Variants in ZMYM4 observed in about 807,000 individuals in gnomAD.
The protein encoded by ZMYM4 is zinc finger MYM-type containing 4, also known as zinc finger MYM-type protein 4.
ZMYM4 carries 31 observed loss-of-function variants against 183.2 expected under a neutral mutation model. The observed-to-expected ratio is 0.17, with a 90% CI of 0.13 to 0.23. ZMYM4 has a LOEUF of 0.23. Among genes scored for constraint, ZMYM4 ranks in the 10% least tolerant of loss-of-function variants. The pLI is 1.00. For missense variants in ZMYM4, 1,273 were observed against 1,840.3 expected (o/e 0.69, Z 5.64); for synonymous variants, 592 against 631.2 (o/e 0.94, Z 0.93).
intron 1 of ZMYM4, among the ~76,000 whole-genome samples, chr1:35,298,440 G>C (rs1641122544): frequency 6.6e-6 from 1 of 152,146 alleles, no homozygotes; most frequent in South Asian, 2.1e-4. Flanking sequence ...GCCCCTTGCT[G>C]AATCTGGCTA....
At chr1:35,299,465 C>G (rs1193179833) in intron 1 of ZMYM4, among the ~76,000 whole-genome samples, 10 of 152,176 alleles carry the variant, frequency 6.6e-5, no homozygotes, top group African/African-American at 7.2e-5. Context: ...GGGTTTAAAT[C>G]CTCTTTAGAG....
chr1:35,402,618 CA>C (rs1052994016), intron 23 of ZMYM4, among the ~76,000 whole-genome samples: 5 of 147,064 alleles, frequency 3.4e-5, no homozygotes, highest in Non-Finnish European at 7.5e-5. Flanking sequence ...GACCCTGTCT[CA>C]AAAAAAAAGA....
intron 7 of ZMYM4, among the ~76,000 whole-genome samples, chr1:35,378,795 G>A (rs371061065): frequency 6.6e-6 from 1 of 152,142 alleles, no homozygotes; most frequent in South Asian, 2.1e-4. Flanking sequence ...ATTTAGTGTA[G>A]CCGCCATCAT....
intron 15 of ZMYM4, 30 bp from the exon 16 acceptor site, chr1:35,392,182 G>A (rs1003352661): frequency 6.2e-7 from 1 of 1,613,706 alleles, no homozygotes; most frequent in African/African-American, 1.3e-5. Flanking sequence ...AATCACGTGA[G>A]GTTTCCTTAT....
intron 1 of ZMYM4, among the ~76,000 whole-genome samples, chr1:35,281,820 C>G (rs1640181804): frequency 6.6e-6 from 1 of 152,134 alleles, no homozygotes; most frequent in Non-Finnish European, 1.5e-5. Flanking sequence ...CCTGCATGGT[C>G]CCTTGCGCCA....
chr1:35,272,177 C>T (rs1002505445), intron 1 of ZMYM4, among the ~76,000 whole-genome samples: 3 of 152,156 alleles, frequency 2.0e-5, no homozygotes, highest in African/African-American at 4.8e-5. Context: ...TGGAAATTGA[C>T]TGCCTTGAGG....
At chr1:35,344,861 C>T (rs1228565078) in intron 2 of ZMYM4, among the ~76,000 whole-genome samples, 2 of 152,100 alleles carry the variant, frequency 1.3e-5, no homozygotes, top group African/African-American at 4.8e-5. Flanking sequence ...AGGAAATATT[C>T]CTTTCTCATA....
intron 9 of ZMYM4, among the ~76,000 whole-genome samples, chr1:35,382,246 A>G (rs1644478922): frequency 6.6e-6 from 1 of 150,730 alleles, no homozygotes; most frequent in Non-Finnish European, 1.5e-5. Context: ...GTATATGTAT[A>G]TATATGTAAA....
Position 35,370,354 on chromosome 1 carries a change from T to C in ZMYM4, c.926-18T>C. 1 of 1,334,890 alleles carries C rather than the reference T, an allele frequency of 7.5e-7. No homozygotes were observed. Among genetic ancestry groups the C allele is most frequent in the East Asian group, 2.9e-5 (1 of 33,976 alleles). The allele number at this position is 1,334,890 out of a possible 1,614,324, so 82.7% of individuals were successfully genotyped here. A position where few individuals can be genotyped will look rare whatever the true frequency, so the allele number is the denominator to read the frequency against. ...TTTCTTTCAATTTTTTTTTTTTTTT[T>C]TTTTTTTTTTTTTAAAGCTCCACAG... On this transcript the variant is annotated intron_variant, in intron 6 of 29. Coordinates refer to ENST00000314607, the MANE Select transcript of ZMYM4 (RefSeq NM_005095.3).
intron 1 of ZMYM4, among the ~76,000 whole-genome samples, chr1:35,271,613 G>A (rs1022519981): frequency 6.6e-6 from 1 of 152,134 alleles, no homozygotes; most frequent in African/African-American, 2.4e-5. Flanking sequence ...ATGTTGGCCA[G>A]GCTGATCTCG....
chr1:35,381,485 A>G (rs1644457320), intron 8 of ZMYM4, 52 bp downstream of exon 8: 1 of 1,609,278 alleles, frequency 6.2e-7, no homozygotes, highest in South Asian at 1.1e-5. Context: ...GTTTGTGCTT[A>G]AAGAACAGCT....
In ZMYM4 at chr1:35,387,062, A is replaced by G. The variant is rs2148980289; in HGVS notation, c.1896A>G (p.Gln632=). 1.2e-6 allele frequency: 2 copies of G among 1,614,242 alleles called. No individual in the cohort carries two copies. The highest frequency in any genetic ancestry group is 4.5e-5 in the East Asian group (2 of 44,892). The change falls in exon 12 of 30, where the codon CAA becomes CAG. Residue 632 remains glutamine, a synonymous_variant. Coordinates refer to ENST00000314607, the MANE Select transcript of ZMYM4 (RefSeq NM_005095.3). ...CAGTAGTGCCCTTGTCTCAGGGCCA[A>G]GTAATTGTAAGCATCCCCACAGGTT... ...NSSVVPLSQG[Q]VIVSIPTGST... is the part of the protein sequence containing the mutation.
chr1:35,397,300 A>G, intron 19 of ZMYM4, 77 bp from the exon 20 acceptor site: 1 of 1,385,860 alleles, frequency 7.2e-7, no homozygotes, highest in South Asian at 1.9e-5. Context: ...TTTAATACCT[A>G]AATCATCTCA....
chr1:35,277,357 C>T (rs2148675081), intron 1 of ZMYM4, among the ~76,000 whole-genome samples: 1 of 152,158 alleles, frequency 6.6e-6, no homozygotes, highest in South Asian at 2.1e-4. Context: ...TGCAATCAGA[C>T]AATTTTGAGA....
At chr1:35,411,507 A>G (rs999642733) in intron 26 of ZMYM4, among the ~76,000 whole-genome samples, 2 of 152,102 alleles carry the variant, frequency 1.3e-5, no homozygotes, top group African/African-American at 2.4e-5. Context: ...CAGTTTTGCA[A>G]CTTACATTAT....
intron 2 of ZMYM4, among the ~76,000 whole-genome samples, chr1:35,353,640 G>A (rs972230357): frequency 2.0e-5 from 3 of 152,128 alleles, no homozygotes; most frequent in Admixed American, 6.5e-5. Context: ...TGCTGAGATC[G>A]TAGTGTTCTG....
At position 35,361,610 on chromosome 1, in the gene ZMYM4, G is replaced by C; in HGVS notation, c.670-9G>C. On this transcript the variant is annotated splice_polypyrimidine_tract_variant and intron_variant, in intron 4 of 29. Transcript: ENST00000314607. Reference sequence around the variant, plus strand: ...TGAATATTTATTAATCCTTTATATTGTGTTTTAGGATTCCAGCTACCCATT... The same window carrying C: ...TGAATATTTATTAATCCTTTATATTCTGTTTTAGGATTCCAGCTACCCATT... 6.2e-7 allele frequency: 1 copy of C among 1,608,552 alleles called. No individual in the cohort carries two copies. The highest frequency in any genetic ancestry group is 1.1e-5 in the South Asian group (1 of 90,066).
chr1:35,353,848 TAGA>T (rs1643717971), intron 2 of ZMYM4, among the ~76,000 whole-genome samples: 6 of 152,220 alleles, frequency 3.9e-5, no homozygotes, highest in Admixed American at 3.9e-4. Context: ...GTTGCTTTGT[TAGA>T]AATTGACATC....
intron 17 of ZMYM4, 55 bp downstream of exon 17, chr1:35,392,739 A>G: frequency 7.1e-7 from 1 of 1,418,344 alleles, no homozygotes; most frequent in South Asian, 1.3e-5. Flanking sequence ...TCATTTTCAT[A>G]CAGTATAAAT....
Sources: gnomAD v4.1 joint callset for allele counts (sites outside exome capture counted in the v4.1 genomes callset) on GRCh38, gnomAD v4.1.1 for gene constraint, MANE v1.5 for transcripts, NCBI Gene and HGNC (gene_info 2026-07-23, HGNC 2026-07-21) for gene names.